The following TNS3 variants were observed in gnomAD, a reference collection of about 807,000 sequenced individuals.
The protein encoded by TNS3 is tensin 3, also known as tensin-3.
A neutral mutation model predicts 140.9 loss-of-function variants in TNS3; 45 were observed. The observed-to-expected ratio is 0.32, with a 90% CI of 0.25 to 0.41. TNS3 has a LOEUF of 0.41. Ranked by LOEUF, TNS3 falls within the 10% of genes least tolerant of loss-of-function variation. The pLI is 1.00. For synonymous variants in TNS3, 815 were observed against 788.4 expected (o/e 1.03, Z -0.56); for missense variants, 1,716 against 1,906.7 (o/e 0.90, Z 1.86).
intron 16 of TNS3, among the ~76,000 whole-genome samples, chr7:47,383,190 G>C (rs1413364263): frequency 6.6e-6 from 1 of 152,190 alleles, no homozygotes; most frequent in Non-Finnish European, 1.5e-5. Flanking sequence ...CAAATGAATA[G>C]GCAGAGTGTG....
At chr7:47,389,002 GGAAGAA>G (rs1175410885) in intron 16 of TNS3, among the ~76,000 whole-genome samples, 94 of 6,608 alleles carry the variant, frequency 0.014, 1 homozygote, top group African/African-American at 0.017. Context: ...AGAAGAAGAA[GGAAGAA>G]GAAGAAGAAG....
At chr7:47,504,786 T>C (rs975266882) in intron 3 of TNS3, among the ~76,000 whole-genome samples, 2 of 152,130 alleles carry the variant, frequency 1.3e-5, no homozygotes, top group Admixed American at 6.5e-5. Context: ...ATTTTTGGAA[T>C]GAGAAGGTGC....
At chr7:47,580,891 A>G (rs955789426) in intron 1 of TNS3, among the ~76,000 whole-genome samples, 5 of 152,160 alleles carry the variant, frequency 3.3e-5, no homozygotes, top group Non-Finnish European at 5.9e-5. Flanking sequence ...GTATATTTTC[A>G]GAGTCCTCCA....
At chr7:47,569,225 A>G (rs188035045) in intron 1 of TNS3, among the ~76,000 whole-genome samples, 1 of 152,360 alleles carries the variant, frequency 6.6e-6, no homozygotes, top group Non-Finnish European at 1.5e-5. Flanking sequence ...CAACATCTTT[A>G]TAAGAACAAA....
chr7:47,482,269 C>A (rs1022574406), intron 3 of TNS3, among the ~76,000 whole-genome samples: 1 of 152,166 alleles, frequency 6.6e-6, no homozygotes, highest in African/African-American at 2.4e-5. Context: ...TTGGCTTTTA[C>A]CAGGATAACT....
intron 17 of TNS3, among the ~76,000 whole-genome samples, chr7:47,352,125 ACACT>A (rs1314003157): frequency 6.7e-6 from 1 of 149,256 alleles, no homozygotes; most frequent in Non-Finnish European, 1.5e-5. Flanking sequence ...AGTCTCTCAC[ACACT>A]CTTACACTCA....
At chr7:47,419,369 G>A (rs1329107171) in intron 10 of TNS3, among the ~76,000 whole-genome samples, 1 of 152,228 alleles carries the variant, frequency 6.6e-6, no homozygotes, top group Non-Finnish European at 1.5e-5. Flanking sequence ...GGGGCATGAA[G>A]TAAAATAGCC....
At chr7:47,487,893 C>A (rs934269173) in intron 3 of TNS3, among the ~76,000 whole-genome samples, 1 of 152,084 alleles carries the variant, frequency 6.6e-6, no homozygotes, top group African/African-American at 2.4e-5. Context: ...TACTTTCTTT[C>A]CTAAGTCATA....
intron 1 of TNS3, among the ~76,000 whole-genome samples, chr7:47,552,639 G>A (rs1278835576): frequency 2.6e-5 from 4 of 152,150 alleles, no homozygotes; most frequent in Non-Finnish European, 5.9e-5. Context: ...ATATAAGACT[G>A]CGAACTCAAT....
intron 23 of TNS3, among the ~76,000 whole-genome samples, chr7:47,297,943 C>T (rs1184925622): frequency 3.9e-5 from 6 of 151,908 alleles, no homozygotes; most frequent in African/African-American, 1.2e-4. Context: ...CCTGCCACCA[C>T]GTCTGGCTAA....
intron 4 of TNS3, among the ~76,000 whole-genome samples, chr7:47,469,883 A>G (rs1193292543): frequency 1.3e-5 from 2 of 149,580 alleles, no homozygotes. Context: ...CTAAGGCAGG[A>G]GAATCGCTTG....
chr7:47,441,581 T>A (rs1255493330), intron 5 of TNS3, among the ~76,000 whole-genome samples: 1 of 152,246 alleles, frequency 6.6e-6, no homozygotes, highest in Non-Finnish European at 1.5e-5. Flanking sequence ...TCATTCCAAT[T>A]CAAATGTATT....
At chr7:47,435,499 T>A (rs1247129820) in intron 7 of TNS3, 95 bp from the exon 8 acceptor site, 1 of 1,566,174 alleles carries the variant, frequency 6.4e-7, no homozygotes, top group Non-Finnish European at 8.7e-7. Flanking sequence ...TACATTTCAT[T>A]TGGGAGTAAA....
At chr7:47,326,871 G>A (rs1270712752) in intron 20 of TNS3, among the ~76,000 whole-genome samples, 1 of 152,224 alleles carries the variant, frequency 6.6e-6, no homozygotes, top group Non-Finnish European at 1.5e-5. Context: ...GCCTGGGAAG[G>A]AGAAGCTGGA....
At chr7:47,555,541 C>T (rs1489710748) in intron 1 of TNS3, among the ~76,000 whole-genome samples, 1 of 152,126 alleles carries the variant, frequency 6.6e-6, no homozygotes, top group Non-Finnish European at 1.5e-5. Context: ...TCACATGCTA[C>T]AGAGAAGTCT....
intron 2 of TNS3, among the ~76,000 whole-genome samples, chr7:47,518,341 C>T (rs1056141044): frequency 6.6e-6 from 1 of 152,106 alleles, no homozygotes; most frequent in Admixed American, 6.5e-5. Context: ...ATAGGGCGGC[C>T]ATCTCCATGC....
intron 17 of TNS3, among the ~76,000 whole-genome samples, chr7:47,351,033 AAATGTTTCTATCTTT>A (rs1220320692): frequency 6.6e-6 from 1 of 152,122 alleles, no homozygotes; most frequent in African/African-American, 2.4e-5. Context: ...ATTTTTTCGG[AAATGTTTCTATCTTT>A]CAGGGTTTTC....
intron 20 of TNS3, among the ~76,000 whole-genome samples, chr7:47,333,486 T>A (rs1188388989): frequency 6.6e-6 from 1 of 152,210 alleles, no homozygotes; most frequent in South Asian, 2.1e-4. Flanking sequence ...TAGGAATGCA[T>A]GTGCTTTTGA....
chr7:47,392,170 C>T (rs1792558315), intron 16 of TNS3, among the ~76,000 whole-genome samples: 1 of 150,668 alleles, frequency 6.6e-6, no homozygotes, highest in Admixed American at 6.6e-5. Flanking sequence ...CCAGGGAACA[C>T]TGACACGACT....
Sources: allele counts gnomAD v4.1 joint callset (sites outside exome capture counted in the v4.1 genomes callset), GRCh38; gene constraint gnomAD v4.1.1; transcripts MANE v1.5; gene names NCBI Gene and HGNC (gene_info 2026-07-23, HGNC 2026-07-21).